Variants in AFF3 observed in about 807,000 individuals in gnomAD.
AFF3 encodes AF4/FMR2 family member 3.
A neutral mutation model predicts 129.7 loss-of-function variants in AFF3; 32 were observed. The ratio of observed to expected loss-of-function variants is 0.25; its 90% CI spans 0.19 to 0.33. The LOEUF is 0.33. Among genes scored for constraint, AFF3 ranks in the 10% least tolerant of loss-of-function variants. The probability of loss-of-function intolerance (pLI) is 1.00; values close to 1 mark genes in which losing one functional copy is unlikely to be tolerated. For missense variants in AFF3, 1,373 were observed against 1,592.0 expected, an observed-to-expected ratio of 0.86 and a Z score of 2.34; for synonymous variants, 644 against 635.4, an observed-to-expected ratio of 1.01 and a Z score of -0.20.
chr2:99,593,254 TG>T lies in AFF3; in HGVS notation c.2406del (p.Ser803AlafsTer58). 1 of 1,611,838 alleles carries T rather than the reference TG, an allele frequency of 6.2e-7. No homozygotes were observed. Among genetic ancestry groups the T allele is most frequent in the Non-Finnish European group, 8.5e-7 (1 of 1,178,340 alleles). On this transcript the variant is annotated frameshift_variant, in exon 15 of 25. Transcript: ENST00000672756. LOFTEE classifies it high-confidence loss of function. ...PATKDSESAP[P>X]SHTSDTPAEK... ...TCTGCAGGTGTGTCCGAGGTGTGGC[TG>T]GGCGGTGCGCTCTCAGAGTCCTTGG...
chr2:99,667,650 A>G (rs1409043291), intron 12 of AFF3, among the ~76,000 whole-genome samples: 1 of 152,228 alleles, frequency 6.6e-6, no homozygotes, highest in Non-Finnish European at 1.5e-5. Context: ...GATGAGTATC[A>G]CTAATGAAAC....
chr2:99,784,892 A>T (rs1231301646), intron 8 of AFF3, among the ~76,000 whole-genome samples: 1 of 152,234 alleles, frequency 6.6e-6, no homozygotes. Flanking sequence ...TGATAACCTG[A>T]TCAGGAGGTT....
chr2:100,038,553 T>C (rs113819999), intron 4 of AFF3, among the ~76,000 whole-genome samples: 19 of 152,234 alleles, frequency 1.2e-4, no homozygotes, highest in Non-Finnish European at 1.8e-4. Flanking sequence ...AAAGACATCA[T>C]GTGGCTTGCA....
chr2:99,603,899 G>A (rs1680079526), intron 13 of AFF3, among the ~76,000 whole-genome samples: 1 of 152,192 alleles, frequency 6.6e-6, no homozygotes, highest in Non-Finnish European at 1.5e-5. Context: ...GCTCATCAGA[G>A]AAATGCAAAT....
intron 21 of AFF3, among the ~76,000 whole-genome samples, chr2:99,560,079 G>A (rs769551695): frequency 2.0e-5 from 3 of 152,214 alleles, no homozygotes; most frequent in Non-Finnish European, 4.4e-5. Context: ...TGACCAACAT[G>A]GTGAAACCCC....
chr2:99,633,027 T>C (rs1575557833), intron 13 of AFF3, among the ~76,000 whole-genome samples: 1 of 152,156 alleles, frequency 6.6e-6, no homozygotes, highest in African/African-American at 2.4e-5. Context: ...TTTGTTTTTT[T>C]AGTGCGACTG....
chr2:99,857,738 T>C (rs990688753), intron 7 of AFF3, among the ~76,000 whole-genome samples: 1 of 152,224 alleles, frequency 6.6e-6, no homozygotes, highest in African/African-American at 2.4e-5. Flanking sequence ...AATCATTCTC[T>C]TTTATATTCT....
intron 4 of AFF3, among the ~76,000 whole-genome samples, chr2:100,024,144 A>G (rs959349426): frequency 2.1e-5 from 3 of 145,106 alleles, no homozygotes; most frequent in African/African-American, 7.7e-5. Context: ...AGGCAGGAGA[A>G]TGGCGTGAAC....
intron 2 of AFF3, among the ~76,000 whole-genome samples, chr2:100,117,852 A>C (rs1691791425): frequency 6.6e-6 from 1 of 152,222 alleles, no homozygotes; most frequent in Non-Finnish European, 1.5e-5. Flanking sequence ...AGTATACTGC[A>C]ATCCCTTTAG....
chr2:99,723,343 C>T (rs1022652441), intron 11 of AFF3, among the ~76,000 whole-genome samples: 8 of 152,202 alleles, frequency 5.3e-5, no homozygotes, highest in African/African-American at 1.7e-4. Context: ...AAGAAAGATG[C>T]TTCCTTAGGA....
chr2:99,622,604 C>T (rs62154493), intron 13 of AFF3, among the ~76,000 whole-genome samples: 13,351 of 152,282 alleles, frequency 0.088, 694 homozygotes, highest in East Asian at 0.12. Context: ...AGAATGTGAG[C>T]AATCTCGCTT....
At chr2:99,924,075 G>A (rs570825295) in intron 7 of AFF3, among the ~76,000 whole-genome samples, 64 of 152,110 alleles carry the variant, frequency 4.2e-4, no homozygotes, top group African/African-American at 1.5e-3. Flanking sequence ...AGAGGCATCA[G>A]ACATTTCTCC....
At chr2:99,697,056 C>G (rs537216036) in intron 11 of AFF3, among the ~76,000 whole-genome samples, 1 of 152,318 alleles carries the variant, frequency 6.6e-6, no homozygotes, top group African/African-American at 2.4e-5. Context: ...TTGTCATACC[C>G]TGAACGTTTT....
intron 4 of AFF3, among the ~76,000 whole-genome samples, chr2:100,013,229 C>A (rs1309435587): frequency 6.6e-6 from 1 of 152,130 alleles, no homozygotes; most frequent in Non-Finnish European, 1.5e-5. Context: ...AAATAGACGT[C>A]TAAACATGAA....
chr2:100,107,466 A>G, intron 2 of AFF3: 1 of 985,362 alleles, frequency 1.0e-6, no homozygotes, highest in Non-Finnish European at 1.2e-6. Context: ...TTTATGTAAA[A>G]GAGAAAGAGA....
intron 11 of AFF3, among the ~76,000 whole-genome samples, chr2:99,694,916 G>A (rs1487556782): frequency 6.6e-6 from 1 of 152,020 alleles, no homozygotes; most frequent in Non-Finnish European, 1.5e-5. Context: ...TGTTCGTCGG[G>A]CTAGTCTCAA....
intron 24 of AFF3, among the ~76,000 whole-genome samples, chr2:99,553,223 G>A (rs543719017): frequency 6.6e-6 from 1 of 152,182 alleles, no homozygotes; most frequent in Non-Finnish European, 1.5e-5. Context: ...TCAAAGCCCT[G>A]TTCCATGGTT....
intron 8 of AFF3, among the ~76,000 whole-genome samples, chr2:99,756,150 A>G (rs1286532212): frequency 6.6e-6 from 1 of 151,762 alleles, no homozygotes; most frequent in African/African-American, 2.4e-5. Context: ...TGTCCACTCC[A>G]CCCCTTTAAA....
At chr2:99,708,311 G>T (rs1039380244) in intron 11 of AFF3, among the ~76,000 whole-genome samples, 2 of 152,152 alleles carry the variant, frequency 1.3e-5, no homozygotes, top group African/African-American at 4.8e-5. Context: ...CCTCTTGAAC[G>T]CTTTTTGTCT....
Sources: allele counts gnomAD v4.1 joint callset (sites outside exome capture counted in the v4.1 genomes callset), GRCh38; gene constraint gnomAD v4.1.1; transcripts MANE v1.5; gene names NCBI Gene and HGNC (gene_info 2026-07-23, HGNC 2026-07-21).